The following COPB2 variants were observed in gnomAD, a reference collection of about 807,000 sequenced individuals.
COPB2 encodes coat protein complex I subunit beta 2.
Under a neutral mutation model 120.8 loss-of-function variants are expected in COPB2, and 16 were observed. The observed-to-expected ratio is 0.13, with a 90% confidence interval of 0.09 to 0.20. The LOEUF (loss-of-function observed/expected upper bound fraction) is 0.20, where lower values mean the gene tolerates loss of function less well. COPB2 is among the 10% of genes least tolerant of loss of function. The pLI is 1.00. For synonymous variants in COPB2, 332 were observed against 366.3 expected (o/e 0.91, Z 1.07); for missense variants, 794 against 1,076.5 (o/e 0.74, Z 3.67).
At chr3:139,372,352 G>A (rs1387500996) in intron 9 of COPB2, among the ~76,000 whole-genome samples, 1 of 152,166 alleles carries the variant, frequency 6.6e-6, no homozygotes, top group Non-Finnish European at 1.5e-5. Context: ...TAAATAATGA[G>A]AAAACAGAAT....
In COPB2 at chr3:139,379,142, T is replaced by C. The variant is rs747657893; in HGVS notation, c.260A>G (p.Asn87Ser). The C allele has an allele frequency of 1.5e-5, 24 of 1,610,326 alleles. No homozygotes were observed. The highest frequency in any genetic ancestry group is 1.9e-5 in the Non-Finnish European group (22 of 1,178,982). The change falls in exon 4 of 22, where the codon AAT (asparagine) becomes AGT (serine). Residue 87 changes from asparagine to serine, a missense_variant. By Grantham distance (46) the Asn-to-Ser change is conservative. Coordinates refer to ENST00000333188, the MANE Select transcript of COPB2 (RefSeq NM_004766.3). ...AAACATATGAACTCTCTCCAGAGTA[T>C]TGTAATTGAACACTCTAATCTGCAT... The part of the protein sequence containing the change: ...DDMQIRVFNY[N>S]TLERVHMFEA...
At position 139,368,160 on chromosome 3, in the gene COPB2, A is replaced by G; in HGVS notation, c.1530T>C (p.Ile510=). Residue 510 remains isoleucine (I), a synonymous_variant, in exon 13 of 22, where the codon ATT becomes ATC. Transcript: ENST00000333188. ...ETHEGVTEDG[I]EDAFEVLGEI... ...ATGCAATTACCTCAAAGGCATCTTCAATGCCATCTTCAGTAACTCCCTCAT... is the reference window on the plus strand; with the variant it reads ...ATGCAATTACCTCAAAGGCATCTTCGATGCCATCTTCAGTAACTCCCTCAT... 1 of 1,613,478 alleles carries G rather than the reference A, an allele frequency of 6.2e-7. No homozygotes were observed. Among genetic ancestry groups the G allele is most frequent in the South Asian group, 1.1e-5 (1 of 90,888 alleles).
chr3:139,358,764 A>T lies in COPB2; in HGVS notation c.2533T>A (p.Ser845Thr). 1 of 1,612,742 alleles carries T rather than the reference A, an allele frequency of 6.2e-7. No individual in the cohort carries two copies. The highest frequency in any genetic ancestry group is 8.5e-7 in the Non-Finnish European group (1 of 1,178,952). Residue 845 changes from serine (S) to threonine (T), a missense_variant, in exon 20 of 22, where the codon TCA (serine) becomes ACA (threonine). This residue lies in a region of COPB2 where 178 missense variants were observed against 183.2 expected (regional missense o/e 0.97). Coordinates refer to ENST00000333188, the MANE Select transcript of COPB2 (RefSeq NM_004766.3). Reference sequence around the variant, plus strand: ...CTGACCTGTTGAGCTGTAGATCTTGAGGGCTGAAAGTCTTTTCCCTCTTCC... The same window carrying T: ...CTGACCTGTTGAGCTGTAGATCTTGTGGGCTGAAAGTCTTTTCCCTCTTCC... ...VMEEGKDFQP[S>T]RSTAQQELDG...
chr3:139,388,497 C>CCT (rs60315849), intron 1 of COPB2: 3 of 151,252 alleles, frequency 2.0e-5, no homozygotes, highest in Non-Finnish European at 4.4e-5. Flanking sequence ...CTAACTTTTT[C>CCT]CTAGTTCCAA....
intron 15 of COPB2, among the ~76,000 whole-genome samples, chr3:139,362,938 G>C (rs1941451784): frequency 6.6e-6 from 1 of 152,194 alleles, no homozygotes; most frequent in Non-Finnish European, 1.5e-5. Context: ...ACTCAACTAG[G>C]CTGGGAAGTA....
chr3:139,384,538 G>A (rs1941878287), intron 1 of COPB2, among the ~76,000 whole-genome samples: 1 of 152,154 alleles, frequency 6.6e-6, no homozygotes, highest in East Asian at 1.9e-4. Context: ...AATAAGCAGA[G>A]TTTCTCAGTC....
intron 10 of COPB2, among the ~76,000 whole-genome samples, chr3:139,370,384 A>C (rs1028684052): frequency 2.0e-5 from 3 of 152,226 alleles, no homozygotes; most frequent in African/African-American, 7.2e-5. Flanking sequence ...CATGCAACTC[A>C]GAACACTGGG....
chr3:139,387,938 A>T (rs990924898), intron 1 of COPB2, among the ~76,000 whole-genome samples: 1 of 152,228 alleles, frequency 6.6e-6, no homozygotes, highest in African/African-American at 2.4e-5. Flanking sequence ...CTGCTGTGAG[A>T]ATTAGGCAGC....
At chr3:139,376,697 A>G (rs1341468593) in intron 5 of COPB2, among the ~76,000 whole-genome samples, 1 of 152,258 alleles carries the variant, frequency 6.6e-6, no homozygotes, top group East Asian at 1.9e-4. Context: ...ACATGTAAGC[A>G]AAAGTTAATT....
chr3:139,358,766 G>A lies in COPB2; in HGVS notation c.2531C>T (p.Pro844Leu). Residue 844 changes from proline (P) to leucine (L), a missense_variant, in exon 20 of 22, where the codon CCC (proline) becomes CTC (leucine). Physicochemically the swap from Pro to Leu is moderately conservative, Grantham distance 98. This residue lies in a region of COPB2 where 178 missense variants were observed against 183.2 expected (regional missense o/e 0.97). Coordinates refer to ENST00000333188, the MANE Select transcript of COPB2 (RefSeq NM_004766.3). The part of the protein sequence containing the change: ...NVMEEGKDFQ[P>L]SRSTAQQELD... ...GACCTGTTGAGCTGTAGATCTTGAG[G>A]GCTGAAAGTCTTTTCCCTCTTCCAT... 1.2e-6 allele frequency: 2 copies of A among 1,612,786 alleles called. No homozygotes were observed. Among genetic ancestry groups the A allele is most frequent in the South Asian group, 1.1e-5 (1 of 91,040 alleles).
In COPB2 at chr3:139,361,195, A is replaced by G; in HGVS notation, c.2096T>C (p.Leu699Pro). ...TCCAGAGGCAGTGGCCAAAAGCAGC[A>G]GGCCCCCATAATCCTGTGCATGATG... Reference protein sequence around the residue: ...CLHHAQDYGGLLLLATASGNA... With the variant: ...CLHHAQDYGGPLLLATASGNA... The change falls in exon 17 of 22, where the codon CTG (leucine) becomes CCG (proline). Residue 699 changes from leucine to proline, a missense_variant. By Grantham distance (98) the Leu-to-Pro change is moderately conservative. Transcript: ENST00000333188. 6.2e-7 allele frequency: 1 copy of G among 1,614,248 alleles called. No homozygotes were observed. The highest frequency in any genetic ancestry group is 8.5e-7 in the Non-Finnish European group (1 of 1,180,054).
At position 139,378,151 on chromosome 3, in the gene COPB2, AT is replaced by A; in HGVS notation, c.393del (p.Lys131AsnfsTer19). The part of the protein sequence containing the change: ...MLIKLWDWDK[K>X]WSCSQVFEGH... ...CCTTCAAACACTTGTGAGCAAGACC[AT>A]TTTTTATCCCAGTCCCAGAGCTTAA... On this transcript the variant is annotated frameshift_variant, in exon 5 of 22. Coordinates refer to ENST00000333188, the MANE Select transcript of COPB2 (RefSeq NM_004766.3). LOFTEE classifies it high-confidence loss of function. 6.3e-7 allele frequency: 1 copy of A among 1,584,240 alleles called. No individual in the cohort carries two copies. Among genetic ancestry groups the A allele is most frequent in the Non-Finnish European group, 8.6e-7 (1 of 1,158,108 alleles).
intron 14 of COPB2, 69 bp from the exon 15 acceptor site, chr3:139,366,844 C>T: frequency 1.3e-6 from 2 of 1,531,774 alleles, no homozygotes; most frequent in South Asian, 2.4e-5. Flanking sequence ...CCCCGCCAAT[C>T]TCCCTCTTGC....
chr3:139,384,685 T>C (rs993763712), intron 1 of COPB2, among the ~76,000 whole-genome samples: 1 of 152,246 alleles, frequency 6.6e-6, no homozygotes, highest in East Asian at 1.9e-4. Flanking sequence ...AGATGCATAC[T>C]CAAGTGTGGA....
intron 2 of COPB2, chr3:139,380,598 T>C (rs1384907743): frequency 6.6e-6 from 1 of 152,158 alleles, no homozygotes; most frequent in Non-Finnish European, 1.5e-5. Flanking sequence ...TAATCCTTTT[T>C]TGTATCAGAG....
chr3:139,363,972 A>G (rs1941470464), intron 15 of COPB2, among the ~76,000 whole-genome samples: 1 of 152,174 alleles, frequency 6.6e-6, no homozygotes, highest in Non-Finnish European at 1.5e-5. Context: ...AAACACATGA[A>G]ATGAGGCGGA....
At position 139,366,735 on chromosome 3, in the gene COPB2, G is replaced by C. The variant is rs750395123; in HGVS notation, c.1717C>G (p.Leu573Val). The change falls in exon 15 of 22, where the codon CTT becomes GTT. Residue 573 changes from leucine to valine, a missense_variant. By Grantham distance (32) the Leu-to-Val change is conservative. Transcript: ENST00000333188. ...LLGYIPKDNRLYLGDKELNII... is the reference protein window; with the variant it reads ...LLGYIPKDNRVYLGDKELNII... ...TTCAATTCTTTATCCCCCAGATAAA[G>C]CCTGTTGTCTTTAGGAATGTAGCCT... 1 of 1,614,040 alleles carries C rather than the reference G, an allele frequency of 6.2e-7. No individual in the cohort carries two copies. Among genetic ancestry groups the C allele is most frequent in the East Asian group, 2.2e-5 (1 of 44,880 alleles).
In COPB2 at chr3:139,368,154, A is replaced by G; in HGVS notation, c.1536T>C (p.Asp512=). 6.2e-7 allele frequency: 1 copy of G among 1,612,952 alleles called. No homozygotes were observed. ...HEGVTEDGIE[D]AFEVLGEIQE... ...GTGCTGATGCAATTACCTCAAAGGC[A>G]TCTTCAATGCCATCTTCAGTAACTC... The change falls in exon 13 of 22, where the codon GAT becomes GAC. Residue 512 remains aspartate, a synonymous_variant. Transcript: ENST00000333188.
chr3:139,358,801 C>T lies in COPB2; in HGVS notation c.2496G>A (p.Glu832=), dbSNP rs878866328. Residue 832 remains glutamate (E), a synonymous_variant, in exon 20 of 22, where the codon GAG becomes GAA. Coordinates refer to ENST00000333188, the MANE Select transcript of COPB2 (RefSeq NM_004766.3). ...KQYPLVTPNE[E]RNVMEEGKDF... ...CTTTTCCCTCTTCCATGACATTTCT[C>T]TCTTCATTTGGCTATCAGAGAATAA... The T allele has an allele frequency of 1.2e-6, 2 of 1,612,562 alleles. No homozygotes were observed. Among genetic ancestry groups the T allele is most frequent in the Non-Finnish European group, 1.7e-6 (2 of 1,178,680 alleles).
Sources: gnomAD v4.1 joint callset for allele counts (sites outside exome capture counted in the v4.1 genomes callset) on GRCh38, gnomAD v4.1.1 for gene constraint, gnomAD v4.1.1 regional missense constraint, MANE v1.5 for transcripts, NCBI Gene and HGNC (gene_info 2026-07-23, HGNC 2026-07-21) for gene names.